Variants in CDH18 observed in about 807,000 individuals in gnomAD.
CDH18 encodes cadherin 18, also known as cadherin-18.
CDH18 carries 31 observed loss-of-function variants against 67.9 expected under a neutral mutation model. That is an observed-to-expected ratio of 0.46 (90% confidence interval 0.34 to 0.62). CDH18 has a LOEUF of 0.62. Ranked by LOEUF, CDH18 falls within the 20% of genes least tolerant of loss-of-function variation. The probability of loss-of-function intolerance (pLI) is 0.01; values close to 1 mark genes in which losing one functional copy is unlikely to be tolerated. For missense variants in CDH18, 890 were observed against 975.5 expected, an observed-to-expected ratio of 0.91 and a Z score of 1.17; for synonymous variants, 362 against 347.2, an observed-to-expected ratio of 1.04 and a Z score of -0.48.
intron 1 of CDH18, among the ~76,000 whole-genome samples, chr5:20,522,648 A>C (rs1480715458): frequency 6.6e-6 from 1 of 152,156 alleles, no homozygotes; most frequent in Non-Finnish European, 1.5e-5. Context: ...TCCCTTCCTA[A>C]AGGCAAGAGA....
chr5:20,233,456 C>T lies in CDH18; in HGVS notation c.-518+21988G>A, dbSNP rs893784928. 2.0e-5 allele frequency among the ~76,000 whole-genome samples: 3 copies of T among 151,918 alleles called. 1 individual carries two copies. Among genetic ancestry groups the T allele is most frequent in the Non-Finnish European group, 4.4e-5 (3 of 67,848 alleles). On this transcript the variant is annotated intron_variant, in intron 2 of 14. Coordinates refer to the CDH18 transcript ENST00000507958. ...TAGCTAGACTGATAGTCTATATTGA[C>T]AGATACAGTCAGTTAGCACTATAAA...
chr5:20,575,563 A>G (rs1048376637), exon 1 of CDH18: 1 of 152,106 alleles, frequency 6.6e-6, no homozygotes, highest in Admixed American at 6.6e-5. Context: ...ATGATGCAGG[A>G]GTAAGATGAG....
chr5:20,433,822 A>G lies in CDH18; in HGVS notation c.-580+141640T>C, dbSNP rs555218217. Among the ~76,000 whole-genome samples the G allele has an allele frequency of 2.0e-5, 3 of 152,218 alleles. No homozygotes were observed. The South Asian group carries it at 6.2e-4, about 32-fold the overall frequency. ...GGGTTATGGCTGAGAATAGGTTCTT[A>G]AGGATTGTAAAGTTTCAGAAAGCCC... is the stretch of plus-strand genomic sequence containing the variant. On this transcript the variant is annotated intron_variant, in intron 1 of 14. Transcript: ENST00000507958.
intron 2 of CDH18, among the ~76,000 whole-genome samples, chr5:20,116,250 C>T (rs544137644): frequency 6.6e-6 from 1 of 152,144 alleles, no homozygotes; most frequent in East Asian, 1.9e-4. Flanking sequence ...CCTCATCTCC[C>T]AGCTTTTCTG....
At chr5:19,801,412 T>C (rs1581409966) in intron 3 of CDH18, among the ~76,000 whole-genome samples, 1 of 152,324 alleles carries the variant, frequency 6.6e-6, no homozygotes, top group East Asian at 1.9e-4. Flanking sequence ...TACTGTTTAA[T>C]AAAATGAGTC....
intron 2 of CDH18, among the ~76,000 whole-genome samples, chr5:20,213,080 T>C (rs988861184): frequency 7.2e-5 from 11 of 152,172 alleles, no homozygotes; most frequent in African/African-American, 2.4e-4. Flanking sequence ...TTAAGCTCAT[T>C]AAGCTTAATC....
intron 2 of CDH18, among the ~76,000 whole-genome samples, chr5:20,030,079 G>T (rs1017370818): frequency 1.3e-5 from 2 of 152,112 alleles, no homozygotes; most frequent in African/African-American, 4.8e-5. Context: ...CCAGCCAAAG[G>T]CTTGTCATTA....
rs533349122 is a variant in CDH18, at chr5:20,147,326, C to T, written c.-518+108118G>A. Among the ~76,000 whole-genome samples the T allele has an allele frequency of 8.5e-5, 13 of 152,068 alleles. No homozygotes were observed. The South Asian group carries it at 2.7e-3, about 32-fold the overall frequency. On this transcript the variant is annotated intron_variant, in intron 2 of 14. Coordinates refer to the CDH18 transcript ENST00000507958. ...AAACAAATATAAGAAATGTTTACAC[C>T]AAGGCTTTGCAACAGTTATTAAGCA...
chr5:20,282,901 T>G (rs1000898311), intron 1 of CDH18, among the ~76,000 whole-genome samples: 1 of 152,074 alleles, frequency 6.6e-6, no homozygotes. Flanking sequence ...AAGAACATGA[T>G]ACTGGCATAA....
chr5:19,528,794 C>T (rs1748143082), intron 9 of CDH18, among the ~76,000 whole-genome samples: 1 of 151,916 alleles, frequency 6.6e-6, no homozygotes, highest in Non-Finnish European at 1.5e-5. Context: ...AATTGCCTAA[C>T]TGTTCTCCTT....
At chr5:20,171,592 A>G (rs557942257) in intron 2 of CDH18, among the ~76,000 whole-genome samples, 1 of 151,998 alleles carries the variant, frequency 6.6e-6, no homozygotes, top group African/African-American at 2.4e-5. Context: ...AATTTGTTTA[A>G]GTCTCTTACA....
At chr5:19,554,310 T>C (rs1737994022) in intron 8 of CDH18, among the ~76,000 whole-genome samples, 1 of 152,166 alleles carries the variant, frequency 6.6e-6, no homozygotes, top group Non-Finnish European at 1.5e-5. Flanking sequence ...TCTTGAGTTC[T>C]AGAAATGCTA....
chr5:20,341,334 T>A (rs377718714), intron 1 of CDH18, among the ~76,000 whole-genome samples: 1 of 152,036 alleles, frequency 6.6e-6, no homozygotes. Context: ...AGGCCTAGCC[T>A]CCCAGCCTAC....
chr5:20,365,791 TG>T (rs1292871916), intron 1 of CDH18, among the ~76,000 whole-genome samples: 1 of 152,138 alleles, frequency 6.6e-6, no homozygotes, highest in Admixed American at 6.6e-5. Context: ...TCAGGCTTTT[TG>T]GTTTCATTTT....
At chr5:20,225,963 A>T in intron 2 of CDH18, among the ~76,000 whole-genome samples, 1 of 152,140 alleles carries the variant, frequency 6.6e-6, no homozygotes, top group Non-Finnish European at 1.5e-5. Context: ...GAAGACGGGC[A>T]GTGCCAGGAC....
At chr5:19,755,434 T>C (rs1297837525) in intron 3 of CDH18, among the ~76,000 whole-genome samples, 6 of 8,970 alleles carry the variant, frequency 6.7e-4, no homozygotes, top group African/African-American at 7.7e-4. Flanking sequence ...AGGGTATGTA[T>C]ATATATATAT....
chr5:20,207,776 G>C (rs958847830), intron 2 of CDH18, among the ~76,000 whole-genome samples: 1 of 151,960 alleles, frequency 6.6e-6, no homozygotes, highest in African/African-American at 2.4e-5. Flanking sequence ...GCAATTTACA[G>C]ATTTAATGCA....
At chr5:20,538,592 C>A (rs1339376349) in intron 1 of CDH18, among the ~76,000 whole-genome samples, 1 of 152,056 alleles carries the variant, frequency 6.6e-6, no homozygotes, top group African/African-American at 2.4e-5. Context: ...AAAATAGTCG[C>A]CAGGGCATGC....
chr5:20,018,386 G>T (rs1340317684), intron 2 of CDH18, among the ~76,000 whole-genome samples: 2 of 152,112 alleles, frequency 1.3e-5, no homozygotes, highest in Non-Finnish European at 2.9e-5. Context: ...TAGGTTCCAT[G>T]GCATGACTTT....
Sources: gnomAD v4.1 joint callset for allele counts (sites outside exome capture counted in the v4.1 genomes callset) on GRCh38, gnomAD v4.1.1 for gene constraint, MANE v1.5 for transcripts, NCBI Gene and HGNC (gene_info 2026-07-23, HGNC 2026-07-21) for gene names.